Variants in CEP83 observed in about 807,000 individuals in gnomAD.
The protein encoded by CEP83 is centrosomal protein 83.
In CEP83, 70 loss-of-function variants were observed where a neutral mutation model predicts 101.9. The ratio of observed to expected loss-of-function variants is 0.69; its 90% CI spans 0.57 to 0.84. CEP83 has a LOEUF of 0.84. Among genes scored for constraint, CEP83 ranks in the 40% least tolerant of loss-of-function variants. CEP83 has a pLI of 0.00. For missense variants in CEP83, 715 were observed against 787.2 expected, an observed-to-expected ratio of 0.91 and a Z score of 1.10; for synonymous variants, 264 against 267.9, an observed-to-expected ratio of 0.99 and a Z score of 0.14.
At chr12:94,316,154 A>G (rs777537114) in intron 14 of CEP83, among the ~76,000 whole-genome samples, 18 of 152,148 alleles carry the variant, frequency 1.2e-4, no homozygotes, top group Admixed American at 9.8e-4. Context: ...CCCTTTAGGC[A>G]TTTTTCCATT....
At chr12:94,270,147 A>G in the CEP83 span, among the ~76,000 whole-genome samples, 1 of 152,256 alleles carries the variant, frequency 6.6e-6, no homozygotes, top group Non-Finnish European at 1.5e-5. Context: ...GGAGATAGAA[A>G]GCATTTTCCA....
intron 11 of CEP83, among the ~76,000 whole-genome samples, chr12:94,347,072 CAT>C (rs1565955054): frequency 2.2e-5 from 2 of 92,824 alleles, no homozygotes; most frequent in African/African-American, 4.1e-5. Flanking sequence ...TATATATACA[CAT>C]ACACACACAC....
At chr12:94,289,028 A>C in the CEP83 span, among the ~76,000 whole-genome samples, 15 of 152,194 alleles carry the variant, frequency 9.9e-5, no homozygotes, top group African/African-American at 3.6e-4. Flanking sequence ...TGAAATTGTC[A>C]ATAGGTGACC....
the CEP83 span, among the ~76,000 whole-genome samples, chr12:94,277,481 T>A: frequency 2.0e-5 from 3 of 152,246 alleles, no homozygotes; most frequent in Non-Finnish European, 2.9e-5. Flanking sequence ...TGCCAGATGC[T>A]GTTCTAAGAA....
At chr12:94,312,614 T>C (rs1056539709) in intron 15 of CEP83, 11 of 985,276 alleles carry the variant, frequency 1.1e-5, no homozygotes, top group Middle Eastern at 5.2e-4. Flanking sequence ...AACTATGCAA[T>C]AGCTACAACT....
intron 11 of CEP83, among the ~76,000 whole-genome samples, chr12:94,339,967 A>T (rs1393789301): frequency 6.6e-6 from 1 of 152,210 alleles, no homozygotes; most frequent in Admixed American, 6.5e-5. Flanking sequence ...CTTGGGAGAA[A>T]ATGTGTCCAA....
At chr12:94,437,023 G>A (rs926926655) in intron 1 of CEP83, among the ~76,000 whole-genome samples, 7 of 151,908 alleles carry the variant, frequency 4.6e-5, no homozygotes, top group Non-Finnish European at 7.4e-5. Flanking sequence ...AAACTTCCCC[G>A]GTTTTGATAG....
At chr12:94,310,542 G>GCA (rs1221951572) in intron 15 of CEP83, among the ~76,000 whole-genome samples, 1 of 152,126 alleles carries the variant, frequency 6.6e-6, no homozygotes, top group African/African-American at 2.4e-5. Flanking sequence ...CAAAGCCTGT[G>GCA]CATACAAGTC....
intron 1 of CEP83, among the ~76,000 whole-genome samples, chr12:94,435,634 C>T (rs955222019): frequency 6.6e-6 from 1 of 152,178 alleles, no homozygotes; most frequent in South Asian, 2.1e-4. Context: ...CTTCTACTAC[C>T]GCAGCTGCTC....
intron 11 of CEP83, among the ~76,000 whole-genome samples, chr12:94,357,029 A>C (rs1459275322): frequency 6.6e-6 from 1 of 152,186 alleles, no homozygotes; most frequent in African/African-American, 2.4e-5. Flanking sequence ...TAGTGCTATA[A>C]AACAGGGACC....
At chr12:94,455,378 A>C (rs1367051901) in intron 1 of CEP83, among the ~76,000 whole-genome samples, 8 of 152,230 alleles carry the variant, frequency 5.3e-5, no homozygotes, top group Non-Finnish European at 8.8e-5. Context: ...GGGTTGCTAT[A>C]TTATACTGCA....
chr12:94,407,758 T>A (rs1275471588), intron 4 of CEP83, among the ~76,000 whole-genome samples: 1 of 152,216 alleles, frequency 6.6e-6, no homozygotes, highest in Non-Finnish European at 1.5e-5. Flanking sequence ...CCGACTGAAT[T>A]AGAGGATTTT....
At chr12:94,377,443 T>C (rs2061609651) in intron 7 of CEP83, among the ~76,000 whole-genome samples, 2 of 152,060 alleles carry the variant, frequency 1.3e-5, no homozygotes, top group Non-Finnish European at 1.5e-5. Flanking sequence ...AGTCAAAAAA[T>C]AGTAAGTCAA....
chr12:94,454,077 C>T (rs2067455598), intron 1 of CEP83, among the ~76,000 whole-genome samples: 1 of 146,226 alleles, frequency 6.8e-6, no homozygotes, highest in African/African-American at 2.5e-5. Flanking sequence ...AGCCTGCTGA[C>T]AGAGTAAGAC....
chr12:94,331,303 A>AAAAAAAAAAAG (rs1565922852), intron 14 of CEP83, among the ~76,000 whole-genome samples: 10 of 124,404 alleles, frequency 8.0e-5, no homozygotes, highest in African/African-American at 3.4e-4. Flanking sequence ...AAAAAAAAAA[A>AAAAAAAAAAAG]AAAAAAAAAA....
chr12:94,418,722 G>C (rs2064482570), intron 2 of CEP83, among the ~76,000 whole-genome samples: 1 of 152,108 alleles, frequency 6.6e-6, no homozygotes, highest in South Asian at 2.1e-4. Context: ...AAAATGTTTT[G>C]GAACTAGATA....
intron 14 of CEP83, among the ~76,000 whole-genome samples, chr12:94,313,577 G>A (rs916927735): frequency 2.7e-5 from 4 of 146,904 alleles, no homozygotes; most frequent in African/African-American, 1.0e-4. Flanking sequence ...AGTGGCTCAC[G>A]CCTATAATCC....
chr12:94,439,674 C>T (rs1477622561), intron 1 of CEP83, among the ~76,000 whole-genome samples: 1 of 151,982 alleles, frequency 6.6e-6, no homozygotes. Flanking sequence ...AGAGGGAATC[C>T]TCCCTAAATC....
chr12:94,332,684 A>T (rs1282525165), intron 13 of CEP83, among the ~76,000 whole-genome samples: 1 of 152,180 alleles, frequency 6.6e-6, no homozygotes, highest in African/African-American at 2.4e-5. Flanking sequence ...GATCAACTGA[A>T]ATGTCACATG....
Sources: gnomAD v4.1 joint callset for allele counts (sites outside exome capture counted in the v4.1 genomes callset) on GRCh38, gnomAD v4.1.1 for gene constraint, MANE v1.5 for transcripts, NCBI Gene and HGNC (gene_info 2026-07-23, HGNC 2026-07-21) for gene names.